The following PDE6C variants were observed in gnomAD, a reference collection of about 807,000 sequenced individuals.
PDE6C encodes the protein cone cGMP-specific 3',5'-cyclic phosphodiesterase subunit alpha'.
Under a neutral mutation model 113.1 loss-of-function variants are expected in PDE6C, and 75 were observed. The observed-to-expected ratio is 0.66, with a 90% CI of 0.55 to 0.80. The LOEUF (loss-of-function observed/expected upper bound fraction) is 0.80, where lower values mean the gene tolerates loss of function less well. Among genes scored for constraint, PDE6C ranks in the 30% least tolerant of loss-of-function variants. The pLI, the probability that PDE6C is intolerant of heterozygous loss-of-function variation, is 0.00. For missense variants in PDE6C, 912 were observed against 1,038.6 expected (o/e 0.88, Z 1.67); for synonymous variants, 375 against 363.7 (o/e 1.03, Z -0.35).
In PDE6C at chr10:93,612,644, G is replaced by C. The variant is rs1051091423; in HGVS notation, c.-82G>C. ...TTTCCTCAGTAATTTCCACCAGGAT[G>C]AATTTCCTTCTCATCACTCTGCCTC... On this transcript the variant is annotated 5_prime_UTR_variant, in exon 1 of 22. An upstream start codon of the reference 5' UTR is lost. Transcript: ENST00000371447. 3 of 1,591,890 alleles carry C rather than the reference G, an allele frequency of 1.9e-6. No homozygotes were observed. The highest frequency in any genetic ancestry group is 2.7e-5 in the African/African-American group (2 of 74,516).
intron 4 of PDE6C, among the ~76,000 whole-genome samples, chr10:93,622,666 T>G (rs897439161): frequency 6.9e-5 from 6 of 87,394 alleles, no homozygotes; most frequent in Middle Eastern, 0.011. Context: ...TTTTTTGTTG[T>G]TTTTTTTTTT....
rs144856729 is a variant in PDE6C, at chr10:93,651,155, C to T, written c.1936-4605C>T. ...CACTTGTTCCCCTCTGAAAATTACT[C>T]ATCCCTGAGTGGAGCCAACTATCTG... On this transcript the variant is annotated intron_variant, in intron 15 of 21. Transcript: ENST00000371447. 3.1e-3 allele frequency among the ~76,000 whole-genome samples: 477 copies of T among 152,268 alleles called. 3 individuals are homozygous for T. Among genetic ancestry groups the T allele is most frequent in the African/African-American group, 0.01 (434 of 41,564 alleles).
At chr10:93,639,975 T>C (rs767068486) in intron 11 of PDE6C, 95 bp from the exon 12 acceptor site, 11 of 1,249,776 alleles carry the variant, frequency 8.8e-6, no homozygotes, top group African/African-American at 1.5e-5. Flanking sequence ...TGTGTTCTTT[T>C]ATTGTAATTT....
chr10:93,622,665 G>GTT (rs772786278), intron 4 of PDE6C, among the ~76,000 whole-genome samples: 5 of 56,128 alleles, frequency 8.9e-5, no homozygotes, highest in Non-Finnish European at 1.8e-4. Flanking sequence ...TTTTTTTGTT[G>GTT]TTTTTTTTTT....
chr10:93,633,791 G>A (rs2058514648), intron 8 of PDE6C, among the ~76,000 whole-genome samples: 1 of 152,146 alleles, frequency 6.6e-6, no homozygotes, highest in Non-Finnish European at 1.5e-5. Context: ...TAGCTAAACA[G>A]GTGTTAGAAG....
intron 14 of PDE6C, 53 bp downstream of exon 14, chr10:93,641,082 C>G (rs1046201999): frequency 9.1e-7 from 1 of 1,101,780 alleles, no homozygotes; most frequent in African/African-American, 1.5e-5. Context: ...TTGGAAAGTA[C>G]TTAGGGTGAG....
At position 93,640,233 on chromosome 10, in the gene PDE6C, T is replaced by C. The variant is rs1415644181; in HGVS notation, c.1629+17T>C. The C allele has an allele frequency of 1.9e-6, 3 of 1,602,802 alleles. No homozygotes were observed. The highest frequency in any genetic ancestry group is 1.1e-5 in the South Asian group (1 of 90,850). On this transcript the variant is annotated intron_variant, in intron 12 of 21. Coordinates refer to ENST00000371447, the MANE Select transcript of PDE6C (RefSeq NM_006204.4). The stretch of plus-strand genomic sequence containing the variant: ...CCTGTAGAGGTCAGAGGGTATTTAA[T>C]TTAAAATACTGTGTGATTCTGTGGC...
chr10:93,621,807 A>G, intron 3 of PDE6C, 125 bp from the exon 4 acceptor site: 2 of 865,530 alleles, frequency 2.3e-6, no homozygotes, highest in Non-Finnish European at 3.8e-6. Context: ...TCAAAATCAG[A>G]ATTGCACTTT....
intron 1 of PDE6C, among the ~76,000 whole-genome samples, chr10:93,619,469 C>T (rs2058435045): frequency 6.6e-6 from 1 of 152,068 alleles, no homozygotes; most frequent in South Asian, 2.1e-4. Flanking sequence ...TCTTGTTGCC[C>T]AGGCTGGAGT....
At chr10:93,627,034 G>A (rs1003779519) in intron 7 of PDE6C, among the ~76,000 whole-genome samples, 163 bp downstream of exon 7, 1 of 151,928 alleles carries the variant, frequency 6.6e-6, no homozygotes, top group African/African-American at 2.4e-5. Context: ...AGGCTGAGGC[G>A]GGCGAATCAT....
intron 14 of PDE6C, 51 bp downstream of exon 14, chr10:93,641,080 T>C (rs1564801408): frequency 2.7e-6 from 3 of 1,118,770 alleles, no homozygotes; most frequent in Non-Finnish European, 4.1e-6. Context: ...CATTGGAAAG[T>C]ACTTAGGGTG....
In PDE6C at chr10:93,661,955, A is replaced by G. The variant is rs1430794789; in HGVS notation, c.2209-104A>G. On this transcript the variant is annotated intron_variant, in intron 18 of 21. Transcript: ENST00000371447. Reference sequence around the variant, plus strand: ...AGAGCATACGGTTTGATAGCACCTCAAACATTGACTGTAAACTCGATCCTT... The same window carrying G: ...AGAGCATACGGTTTGATAGCACCTCGAACATTGACTGTAAACTCGATCCTT... 8 of 789,992 alleles carry G rather than the reference A, an allele frequency of 1.0e-5. No homozygotes were observed. The African/African-American group carries it at 1.2e-4, about 12-fold the overall frequency. 48.9% of individuals were successfully genotyped at this position (789,992 alleles called of 1,614,324 possible). A position where few individuals can be genotyped will look rare whatever the true frequency, so the allele number is the denominator to read the frequency against.
In PDE6C at chr10:93,665,684, A is replaced by C. The variant is rs2058686957; in HGVS notation, c.*266A>C. ...TATGCAATCCTGAAACTAGTCACAA[A>C]TTCTTTTTTAAAACATTAATTGTAT... On this transcript the variant is annotated 3_prime_UTR_variant, in exon 22 of 22. Coordinates refer to ENST00000371447, the MANE Select transcript of PDE6C (RefSeq NM_006204.4). 1 of 461,990 alleles carries C rather than the reference A, an allele frequency of 2.2e-6. No individual in the cohort carries two copies. The highest frequency in any genetic ancestry group is 3.9e-6 in the Non-Finnish European group (1 of 255,222). 28.6% of individuals were successfully genotyped at this position (461,990 alleles called of 1,614,324 possible). A position where few individuals can be genotyped will look rare whatever the true frequency, so the allele number is the denominator to read the frequency against.
At chr10:93,627,258 C>CAAGA (rs71031524) in intron 7 of PDE6C, among the ~76,000 whole-genome samples, 2 of 52,578 alleles carry the variant, frequency 3.8e-5, no homozygotes, top group Admixed American at 2.8e-4. Context: ...TGAAACTCCA[C>CAAGA]AAAAAAAAAA....
intron 14 of PDE6C, among the ~76,000 whole-genome samples, chr10:93,644,159 C>T (rs987470063): frequency 8.5e-5 from 13 of 152,172 alleles, no homozygotes; most frequent in African/African-American, 3.1e-4. Context: ...ATAGATGATG[C>T]TGTGTCCTTC....
chr10:93,640,718 G>A (rs2058555500), intron 13 of PDE6C, among the ~76,000 whole-genome samples, 161 bp downstream of exon 13: 1 of 152,036 alleles, frequency 6.6e-6, no homozygotes, highest in African/African-American at 2.4e-5. Context: ...AGCACCGGTG[G>A]GATGATCATT....
rs199643301 is a variant in PDE6C, at chr10:93,640,551, G to A, written c.1731G>A (p.Leu577=). The A allele has an allele frequency of 6.2e-7, 1 of 1,606,538 alleles. No individual in the cohort carries two copies. Among genetic ancestry groups the A allele is most frequent in the Non-Finnish European group, 8.5e-7 (1 of 1,173,106 alleles). Residue 577 remains leucine, a synonymous_variant, in exon 13 of 22, where the codon TTG becomes TTA. Transcript: ENST00000371447. ...ACGTGGGGCAGACCATGTTTACTTT[G>A]CTGATGGTAGGTACAGAGGGCTGTA... ...GFNVGQTMFT[L]LMTGRLKKYY... is the part of the protein sequence containing the mutation.
intron 14 of PDE6C, among the ~76,000 whole-genome samples, chr10:93,641,786 G>T (rs909917668): frequency 6.6e-6 from 1 of 152,096 alleles, no homozygotes; most frequent in African/African-American, 2.4e-5. Context: ...TGGTCTTTTT[G>T]CTTCTGCCAA....
intron 16 of PDE6C, among the ~76,000 whole-genome samples, chr10:93,656,622 T>A (rs2058639010): frequency 6.6e-6 from 1 of 151,940 alleles, no homozygotes; most frequent in Non-Finnish European, 1.5e-5. Context: ...TGGGCTGGAG[T>A]GCAGTGGCAC....
Sources: allele counts gnomAD v4.1 joint callset (sites outside exome capture counted in the v4.1 genomes callset), GRCh38; gene constraint gnomAD v4.1.1; transcripts MANE v1.5; gene names NCBI Gene and HGNC (gene_info 2026-07-23, HGNC 2026-07-21).